RPS6KA2: variants seen among roughly 807,000 people sequenced by gnomAD.
The protein encoded by RPS6KA2 is ribosomal protein S6 kinase alpha-2.
A neutral mutation model predicts 91.8 loss-of-function variants in RPS6KA2; 42 were observed. The observed-to-expected ratio is 0.46, with a 90% CI of 0.36 to 0.59. RPS6KA2 has a LOEUF of 0.59. Ranked by LOEUF, RPS6KA2 falls within the 20% of genes least tolerant of loss-of-function variation. The probability of loss-of-function intolerance (pLI) is 0.00; values close to 1 mark genes in which losing one functional copy is unlikely to be tolerated. For missense variants in RPS6KA2, 798 were observed against 978.5 expected (o/e 0.82, Z 2.46); for synonymous variants, 414 against 393.6 (o/e 1.05, Z -0.61).
Position 166,568,621 on chromosome 6 carries a change from G to GAAAAAAAAA in RPS6KA2, c.100-29846_100-29838dup, listed in dbSNP as rs60613942. ...ACAACAAGAGCAAAACTCCATCTCA[G>GAAAAAAAAA]AAAAAAAAAAAAAAAAAAAAAAAAA... is the stretch of plus-strand genomic sequence containing the variant. On this transcript the variant is annotated intron_variant, in intron 1 of 20. Coordinates refer to ENST00000265678, the MANE Select transcript of RPS6KA2 (RefSeq NM_021135.6). Among the ~76,000 whole-genome samples the GAAAAAAAAA allele has an allele frequency of 4.4e-4, 20 of 45,552 alleles. 1 individual carries two copies. Among genetic ancestry groups the GAAAAAAAAA allele is most frequent in the Admixed American group, 1.3e-3 (4 of 3,060 alleles). 29.9% of individuals were successfully genotyped at this position (45,552 alleles called of 152,430 possible). A position where few individuals can be genotyped will look rare whatever the true frequency, so the allele number is the denominator to read the frequency against.
chr6:166,579,165 A>C (rs946240235), intron 1 of RPS6KA2, among the ~76,000 whole-genome samples: 51 of 152,354 alleles, frequency 3.3e-4, no homozygotes, highest in African/African-American at 1.1e-3. Flanking sequence ...ATCTTAGACA[A>C]GTATCCGTTT....
intron 2 of RPS6KA2, chr6:166,702,586 A>G: frequency 6.7e-7 from 1 of 1,493,004 alleles, no homozygotes; most frequent in South Asian, 1.1e-5. Flanking sequence ...GATATTTCGT[A>G]TCTGAAGTTT....
chr6:166,445,321 T>C lies in RPS6KA2; in HGVS notation c.1332+3403A>G, dbSNP rs1014574393. ...GCTAAAGGACTCACCAGAAACTCAA[T>C]GAAGAAGAAAAACTCCATCCCCATC... On this transcript the variant is annotated intron_variant, in intron 14 of 20. Transcript: ENST00000265678. This position sits in a 1 kb window ranked among gnomAD's most constrained non-coding sequence, Gnocchi z 4.5. Among the ~76,000 whole-genome samples the C allele has an allele frequency of 6.6e-6, 1 of 152,150 alleles. No individual in the cohort carries two copies. The highest frequency in any genetic ancestry group is 1.5e-5 in the Non-Finnish European group (1 of 68,028).
chr6:166,650,298 C>A (rs1199869201), intron 2 of RPS6KA2, among the ~76,000 whole-genome samples: 1 of 152,076 alleles, frequency 6.6e-6, no homozygotes, highest in African/African-American at 2.4e-5. Flanking sequence ...CATTCTTATT[C>A]ATAGACATTG....
intron 1 of RPS6KA2, among the ~76,000 whole-genome samples, chr6:166,540,137 C>G (rs3799642): frequency 6.6e-6 from 1 of 152,196 alleles, no homozygotes; most frequent in South Asian, 2.1e-4. Flanking sequence ...GGACTGACTT[C>G]GAAGCCAAGT....
intron 2 of RPS6KA2, among the ~76,000 whole-genome samples, chr6:166,742,768 G>A (rs1256915215): frequency 6.6e-6 from 1 of 152,170 alleles, no homozygotes. Flanking sequence ...TTAGTTCCAA[G>A]CTAGCAGGGA....
intron 10 of RPS6KA2, among the ~76,000 whole-genome samples, chr6:166,471,541 C>T (rs549876950): frequency 1.5e-4 from 23 of 152,354 alleles, no homozygotes; most frequent in African/African-American, 4.1e-4. Context: ...CACACTTTGA[C>T]GTGAAAGTCC....
At chr6:166,444,963 C>A (rs898408839) in intron 14 of RPS6KA2, among the ~76,000 whole-genome samples, 2 of 152,170 alleles carry the variant, frequency 1.3e-5, no homozygotes, top group Non-Finnish European at 2.9e-5. Flanking sequence ...ACAATCTTGT[C>A]GTTTGATTTA....
intron 2 of RPS6KA2, among the ~76,000 whole-genome samples, chr6:166,807,949 G>T (rs1779533636): frequency 6.6e-6 from 1 of 151,874 alleles, no homozygotes; most frequent in Admixed American, 6.6e-5. Context: ...GGCAGCCCTG[G>T]GAGTGCAGAG....
At chr6:166,505,205 G>C (rs1782157316) in intron 5 of RPS6KA2, among the ~76,000 whole-genome samples, 1 of 152,080 alleles carries the variant, frequency 6.6e-6, no homozygotes, top group Non-Finnish European at 1.5e-5. Context: ...GCGGGATGGG[G>C]AGGGGTTTCC....
chr6:166,859,017 G>A (rs1014778126), intron 1 of RPS6KA2, among the ~76,000 whole-genome samples: 12 of 80,706 alleles, frequency 1.5e-4, no homozygotes, highest in African/African-American at 3.1e-4. Flanking sequence ...CAGCAGACAC[G>A]GGAGAGCTCC....
intron 2 of RPS6KA2, among the ~76,000 whole-genome samples, chr6:166,652,465 G>A (rs192710205): frequency 1.6e-3 from 248 of 152,092 alleles, no homozygotes; most frequent in Non-Finnish European, 3.0e-3. Context: ...TTCTCTTCGG[G>A]GAACTTAGGA....
intron 15 of RPS6KA2, 141 bp from the exon 16 acceptor site, chr6:166,430,752 G>T: frequency 1.3e-6 from 1 of 776,150 alleles, no homozygotes; most frequent in Non-Finnish European, 2.0e-6. Context: ...CAAGGCTTCT[G>T]CAGGGTAGAA....
At chr6:166,552,412 G>C (rs1265794990) in intron 1 of RPS6KA2, among the ~76,000 whole-genome samples, 1 of 152,234 alleles carries the variant, frequency 6.6e-6, no homozygotes, top group Non-Finnish European at 1.5e-5. Flanking sequence ...TCACCCACAT[G>C]ATGACAGCCA....
intron 2 of RPS6KA2, among the ~76,000 whole-genome samples, chr6:166,746,706 T>A (rs1791025116): frequency 6.6e-6 from 1 of 152,154 alleles, no homozygotes; most frequent in Admixed American, 6.5e-5. Context: ...TGTCTTCAAC[T>A]AATTTGCTTC....
intron 2 of RPS6KA2, among the ~76,000 whole-genome samples, chr6:166,786,797 C>T (rs1172891166): frequency 6.6e-6 from 1 of 152,046 alleles, no homozygotes; most frequent in Non-Finnish European, 1.5e-5. Flanking sequence ...TAGTTTAGTT[C>T]AGGTGTTTTA....
intron 2 of RPS6KA2, among the ~76,000 whole-genome samples, chr6:166,671,484 T>A (rs1199818484): frequency 6.6e-6 from 1 of 152,072 alleles, no homozygotes; most frequent in Non-Finnish European, 1.5e-5. Flanking sequence ...GACCTGTATA[T>A]TGGAGGGGGA....
chr6:166,729,331 A>G (rs765015382), intron 2 of RPS6KA2, among the ~76,000 whole-genome samples: 4 of 152,206 alleles, frequency 2.6e-5, no homozygotes, highest in Non-Finnish European at 4.4e-5. Flanking sequence ...GTCACCTGCC[A>G]TTGCTCAGGA....
chr6:166,454,469 G>A (rs1159480891), intron 12 of RPS6KA2, among the ~76,000 whole-genome samples: 1 of 152,110 alleles, frequency 6.6e-6, no homozygotes, highest in African/African-American at 2.4e-5. Flanking sequence ...CTGCACTCTA[G>A]CCTGGGTGAC....
Sources: allele counts gnomAD v4.1 joint callset (sites outside exome capture counted in the v4.1 genomes callset), GRCh38; gene constraint gnomAD v4.1.1; non-coding constraint Gnocchi (gnomAD v3.1); transcripts MANE v1.5; gene names NCBI Gene and HGNC (gene_info 2026-07-23, HGNC 2026-07-21).